Variants in BTBD9 observed in about 807,000 individuals in gnomAD.
BTBD9 encodes the protein BTB/POZ domain-containing protein 9.
In BTBD9, 49 loss-of-function variants were observed where a neutral mutation model predicts 64.3. The observed-to-expected ratio is 0.76, with a 90% CI of 0.61 to 0.97. The LOEUF is 0.97. Among genes scored for constraint, BTBD9 ranks in the 50% least tolerant of loss-of-function variants. The pLI, the probability that BTBD9 is intolerant of heterozygous loss-of-function variation, is 0.00. For synonymous variants in BTBD9, 260 were observed against 274.7 expected (o/e 0.95, Z 0.53); for missense variants, 598 against 762.1 (o/e 0.78, Z 2.53).
chr6:38,458,878 A>G (rs1039918756), intron 6 of BTBD9, among the ~76,000 whole-genome samples: 9 of 152,236 alleles, frequency 5.9e-5, no homozygotes, highest in African/African-American at 2.2e-4. Flanking sequence ...TATGACAAAA[A>G]AAGGCCATTT....
intron 6 of BTBD9, among the ~76,000 whole-genome samples, chr6:38,464,698 G>A (rs760220522): frequency 6.6e-6 from 1 of 152,126 alleles, no homozygotes; most frequent in Non-Finnish European, 1.5e-5. Flanking sequence ...GTTTCACCAA[G>A]TTGGCCAGGC....
intron 6 of BTBD9, among the ~76,000 whole-genome samples, chr6:38,453,562 T>C (rs1445194914): frequency 6.6e-6 from 1 of 152,194 alleles, no homozygotes; most frequent in Non-Finnish European, 1.5e-5. Flanking sequence ...TATTTGGTTT[T>C]ATCACTTTTA....
chr6:38,592,580 C>T lies in BTBD9; in HGVS notation c.810G>A (p.Met270Ile). 1 of 1,614,036 alleles carries T rather than the reference C, an allele frequency of 6.2e-7. No homozygotes were observed. Among genetic ancestry groups the T allele is most frequent in the Non-Finnish European group, 8.5e-7 (1 of 1,179,948 alleles). Residue 270 changes from methionine (M) to isoleucine (I), a missense_variant, in exon 4 of 11, where the codon ATG (methionine) becomes ATA (isoleucine). By Grantham distance (10) the Met-to-Ile change is conservative. Transcript: ENST00000481247. ...SRDMDLNYRG[M>I]LIPEENIATM... is the part of the protein sequence containing the mutation. ...TTAGGATAGACAGGTACTTACTGAG[C>T]ATGCCTCTATAATTGAGGTCCATAT...
intron 7 of BTBD9, among the ~76,000 whole-genome samples, chr6:38,317,341 G>A (rs893433299): frequency 1.3e-5 from 2 of 152,130 alleles, no homozygotes; most frequent in African/African-American, 4.8e-5. Flanking sequence ...CTGGCCTGTA[G>A]GTTTGCACTG....
intron 6 of BTBD9, among the ~76,000 whole-genome samples, chr6:38,537,043 A>T (rs953104549): frequency 3.3e-5 from 5 of 152,216 alleles, no homozygotes; most frequent in Admixed American, 3.3e-4. Context: ...CCCTGAGGTG[A>T]TTATTACACA....
Position 38,345,523 on chromosome 6 carries a change from T to C in BTBD9, c.1155-430A>G, listed in dbSNP as rs573038211. On this transcript the variant is annotated intron_variant, in intron 6 of 10. Transcript: ENST00000481247. ...CAGCTCAATGGAAGATTTAATCCAC[T>C]GCAGATGAACACACGAAATCAATAT... Among the ~76,000 whole-genome samples the C allele has an allele frequency of 2.6e-4, 39 of 152,370 alleles. 1 individual carries two copies. Among genetic ancestry groups the C allele is most frequent in the Admixed American group, 2.1e-3 (32 of 15,304 alleles).
intron 6 of BTBD9, among the ~76,000 whole-genome samples, chr6:38,539,081 C>T (rs949969580): frequency 3.3e-5 from 5 of 152,100 alleles, no homozygotes; most frequent in Admixed American, 6.5e-5. Context: ...GCTGGGATTA[C>T]AGCAAACCTA....
intron 6 of BTBD9, among the ~76,000 whole-genome samples, chr6:38,497,967 A>G (rs1266494719): frequency 6.6e-6 from 1 of 152,240 alleles, no homozygotes; most frequent in Non-Finnish European, 1.5e-5. Context: ...TGTGTTAGGC[A>G]TGCTGAAAAA....
Position 38,174,847 on chromosome 6 carries a change from T to C in BTBD9, c.*138A>G, listed in dbSNP as rs1161284409. 5 of 982,248 alleles carry C rather than the reference T, an allele frequency of 5.1e-6. No individual in the cohort carries two copies. The highest frequency in any genetic ancestry group is 6.1e-6 in the Non-Finnish European group (4 of 660,176). 60.8% of individuals were successfully genotyped at this position (982,248 alleles called of 1,614,324 possible). On this transcript the variant is annotated 3_prime_UTR_variant, in exon 11 of 11. Transcript: ENST00000481247. ...TCCTTGGGAGAAAACCTGTTCGGTG[T>C]CTGCTTTTGCAGCTAGGTCGGCTCC...
intron 6 of BTBD9, among the ~76,000 whole-genome samples, chr6:38,565,046 T>C (rs934692503): frequency 1.3e-5 from 2 of 152,228 alleles, no homozygotes; most frequent in African/African-American, 4.8e-5. Flanking sequence ...GTCATTCCAT[T>C]TCCTAGCCAT....
At chr6:38,517,258 C>T (rs569309952) in intron 6 of BTBD9, among the ~76,000 whole-genome samples, 3 of 152,200 alleles carry the variant, frequency 2.0e-5, no homozygotes, top group African/African-American at 4.8e-5. Context: ...AACTTTAGAG[C>T]TTTGGATAAC....
At chr6:38,605,768 T>C (rs538640940) in intron 1 of BTBD9, among the ~76,000 whole-genome samples, 1 of 152,242 alleles carries the variant, frequency 6.6e-6, no homozygotes, top group Admixed American at 6.5e-5. Context: ...CAGTGAGCCA[T>C]GTTCATGCCA....
At chr6:38,233,677 T>C (rs1296361900) in intron 9 of BTBD9, among the ~76,000 whole-genome samples, 2 of 152,196 alleles carry the variant, frequency 1.3e-5, no homozygotes, top group Non-Finnish European at 2.9e-5. Context: ...TGCTACCAAA[T>C]GACAGAAGAA....
At chr6:38,238,811 A>T (rs1763887887) in intron 9 of BTBD9, among the ~76,000 whole-genome samples, 2 of 152,124 alleles carry the variant, frequency 1.3e-5, no homozygotes, top group African/African-American at 4.8e-5. Flanking sequence ...GCCTCCAAGT[A>T]GTAGGTTTCA....
chr6:38,271,973 T>TG (rs796931541), intron 8 of BTBD9, among the ~76,000 whole-genome samples: 80 of 33,834 alleles, frequency 2.4e-3, no homozygotes, highest in African/African-American at 8.7e-3. Context: ...AAAGAAAATG[T>TG]GGGGGGAGGG....
At chr6:38,286,212 T>A (rs1761724024) in intron 8 of BTBD9, among the ~76,000 whole-genome samples, 1 of 152,200 alleles carries the variant, frequency 6.6e-6, no homozygotes, top group African/African-American at 2.4e-5. Flanking sequence ...GGTCAACAAT[T>A]TAAATGAAGA....
chr6:38,199,839 A>G (rs965273096), intron 9 of BTBD9, among the ~76,000 whole-genome samples: 1 of 152,240 alleles, frequency 6.6e-6, no homozygotes, highest in African/African-American at 2.4e-5. Flanking sequence ...GCTTCCAGCC[A>G]GCTTTCACAA....
At chr6:38,363,854 T>C (rs757611961) in intron 6 of BTBD9, among the ~76,000 whole-genome samples, 4 of 152,212 alleles carry the variant, frequency 2.6e-5, no homozygotes, top group Admixed American at 2.6e-4. Context: ...TCTTCTGGAA[T>C]AATAATGCTA....
chr6:38,216,717 A>T (rs1763019349), intron 9 of BTBD9, among the ~76,000 whole-genome samples: 1 of 152,194 alleles, frequency 6.6e-6, no homozygotes, highest in Non-Finnish European at 1.5e-5. Flanking sequence ...TAACACCTTC[A>T]TAGTCAGTGA....
Sources: gnomAD v4.1 joint callset for allele counts (sites outside exome capture counted in the v4.1 genomes callset) on GRCh38, gnomAD v4.1.1 for gene constraint, MANE v1.5 for transcripts, NCBI Gene and HGNC (gene_info 2026-07-23, HGNC 2026-07-21) for gene names.